TUSC3: variants seen among roughly 807,000 people sequenced by gnomAD.
The protein encoded by TUSC3 is tumor suppressor candidate 3.
TUSC3 carries 45 observed loss-of-function variants against 44.8 expected under a neutral mutation model. The ratio of observed to expected loss-of-function variants is 1.00; its 90% confidence interval spans 0.79 to 1.29. The LOEUF (loss-of-function observed/expected upper bound fraction) is 1.29. Among genes scored for constraint, TUSC3 ranks in the 50% most tolerant of loss-of-function variants. The pLI is 0.00. For synonymous variants in TUSC3, 212 were observed against 152.9 expected (o/e 1.39, Z -2.85); for missense variants, 519 against 437.9 (o/e 1.19, Z -1.65).
the TUSC3 span, among the ~76,000 whole-genome samples, chr8:15,814,160 G>A: frequency 2.2e-3 from 338 of 152,228 alleles, 1 homozygote; most frequent in African/African-American, 7.3e-3. Flanking sequence ...TCTCTTACCA[G>A]AATGAAGAGA....
chr8:15,669,124 A>G (rs1027961369), intron 5 of TUSC3, among the ~76,000 whole-genome samples: 1 of 151,808 alleles, frequency 6.6e-6, no homozygotes, highest in Admixed American at 6.6e-5. Flanking sequence ...TTCCCCAATT[A>G]GATTAGGGTG....
At chr8:15,425,829 A>G (rs896632977) in intron 1 of TUSC3, among the ~76,000 whole-genome samples, 13 of 152,178 alleles carry the variant, frequency 8.5e-5, no homozygotes, top group African/African-American at 2.4e-4. Flanking sequence ...AATATAATCA[A>G]TGTATCCTAT....
intron 2 of TUSC3, among the ~76,000 whole-genome samples, chr8:15,510,269 A>C (rs2129128109): frequency 6.6e-6 from 1 of 152,310 alleles, no homozygotes; most frequent in South Asian, 2.1e-4. Flanking sequence ...AAAACCTAAA[A>C]GAAAAAAGGG....
At chr8:15,619,685 T>C (rs1225884633) in intron 1 of TUSC3, among the ~76,000 whole-genome samples, 2 of 151,994 alleles carry the variant, frequency 1.3e-5, no homozygotes, top group Admixed American at 6.6e-5. Flanking sequence ...GTTTGTTTGT[T>C]TGTTTTAGTA....
the TUSC3 span, among the ~76,000 whole-genome samples, chr8:15,837,974 G>A: frequency 6.6e-6 from 1 of 152,292 alleles, no homozygotes; most frequent in East Asian, 1.9e-4. Flanking sequence ...ATTCCAGACT[G>A]GCAGGAACTG....
Position 15,652,925 on chromosome 8 carries a change from A to T in TUSC3, c.426+2111A>T, listed in dbSNP as rs192268623. Among the ~76,000 whole-genome samples the T allele has an allele frequency of 9.2e-5, 14 of 152,320 alleles. No individual in the cohort carries two copies. In the East Asian group the frequency reaches 2.7e-3, roughly 29 times the overall value. Reference sequence around the variant, plus strand: ...TTGTTATGCTGTTTTTGTTGATAATACATTATCTGTTTTGTTACGATACCT... The same window carrying T: ...TTGTTATGCTGTTTTTGTTGATAATTCATTATCTGTTTTGTTACGATACCT... On this transcript the variant is annotated intron_variant, in intron 3 of 10. Transcript: ENST00000503731.
At chr8:15,760,208 G>T (rs1178225317) in intron 10 of TUSC3, among the ~76,000 whole-genome samples, 2 of 152,080 alleles carry the variant, frequency 1.3e-5, no homozygotes, top group Non-Finnish European at 2.9e-5. Flanking sequence ...AGAAGATACA[G>T]GTAAGCAAAA....
At chr8:15,597,002 G>A (rs538643365) in intron 1 of TUSC3, among the ~76,000 whole-genome samples, 9 of 152,228 alleles carry the variant, frequency 5.9e-5, no homozygotes, top group African/African-American at 2.2e-4. Context: ...TTAATAATTA[G>A]TTGTGGAAGG....
the TUSC3 span, among the ~76,000 whole-genome samples, chr8:15,812,674 G>T: frequency 1.3e-5 from 2 of 152,096 alleles, no homozygotes; most frequent in African/African-American, 4.8e-5. Context: ...CCCTATAGTG[G>T]AAAATGAACA....
intron 1 of TUSC3, among the ~76,000 whole-genome samples, chr8:15,477,041 T>TA (rs534026042): frequency 0.012 from 1,760 of 152,268 alleles, 16 homozygotes; most frequent in Non-Finnish European, 0.017. Context: ...CAGAGGTACT[T>TA]ACGATTTTCC....
chr8:15,646,094 A>C (rs916848966), intron 2 of TUSC3, among the ~76,000 whole-genome samples: 9 of 152,180 alleles, frequency 5.9e-5, no homozygotes, highest in African/African-American at 2.2e-4. Context: ...GTAGTGCTAC[A>C]CAGTCGCTGA....
rs1241781852 is a variant in TUSC3, at chr8:15,559,082, T to C, written c.138+18514T>C. On this transcript the variant is annotated intron_variant, in intron 1 of 10. Transcript: ENST00000503731. ...TTTGCTCTTGCTTTTCTAGTTCTTT[T>C]AATTGTGATGTTAGGGTGTCAATTT... is the stretch of plus-strand genomic sequence containing the variant. 5.5e-5 allele frequency among the ~76,000 whole-genome samples: 8 copies of C among 145,782 alleles called. 1 individual carries two copies. The highest frequency in any genetic ancestry group is 1.2e-4 in the Non-Finnish European group (8 of 65,918).
intron 6 of TUSC3, among the ~76,000 whole-genome samples, chr8:15,676,224 A>G (rs950338684): frequency 2.6e-5 from 4 of 152,170 alleles, no homozygotes; most frequent in African/African-American, 9.6e-5. Context: ...AATTAAATGT[A>G]TGATGTGTGG....
In TUSC3 at chr8:15,588,195, T is replaced by C. The variant is rs879734796; in HGVS notation, c.139-34885T>C. ...CATTTCCACCAGCAGTGTATAAGAG[T>C]TCTGTTTTCTCCACATCCTCATCAG... On this transcript the variant is annotated intron_variant, in intron 1 of 10. Transcript: ENST00000503731. Among the ~76,000 whole-genome samples the C allele has an allele frequency of 9.9e-4, 150 of 152,208 alleles. 1 individual carries two copies. Among genetic ancestry groups the C allele is most frequent in the African/African-American group, 3.5e-3 (147 of 41,538 alleles).
the TUSC3 span, among the ~76,000 whole-genome samples, chr8:15,842,812 T>G: frequency 6.6e-6 from 1 of 152,210 alleles, no homozygotes; most frequent in African/African-American, 2.4e-5. Flanking sequence ...AGAGGAAACC[T>G]GTACATCTCC....
chr8:15,434,160 T>C (rs1330329665), intron 1 of TUSC3, among the ~76,000 whole-genome samples: 2 of 152,210 alleles, frequency 1.3e-5, no homozygotes, highest in East Asian at 1.9e-4. Flanking sequence ...TAGTGGTGTG[T>C]AATGGTACTT....
At chr8:15,837,218 C>CT in the TUSC3 span, among the ~76,000 whole-genome samples, 7 of 151,496 alleles carry the variant, frequency 4.6e-5, no homozygotes, top group East Asian at 1.9e-4. Flanking sequence ...GGGATTATGT[C>CT]TTTTTTTTTA....
At chr8:15,707,033 A>G (rs1248014884) in intron 6 of TUSC3, among the ~76,000 whole-genome samples, 2 of 151,962 alleles carry the variant, frequency 1.3e-5, no homozygotes, top group East Asian at 3.9e-4. Context: ...TTTGGACTCC[A>G]TGTTTTTACC....
the TUSC3 span, among the ~76,000 whole-genome samples, chr8:15,822,013 A>G: frequency 0.14 from 21,413 of 152,112 alleles, 1,669 homozygotes; most frequent in East Asian, 0.25. Context: ...TAGCACTGCG[A>G]GTAATAAGAT....
Sources: allele counts gnomAD v4.1 joint callset (sites outside exome capture counted in the v4.1 genomes callset), GRCh38; gene constraint gnomAD v4.1.1; transcripts MANE v1.5; gene names NCBI Gene and HGNC (gene_info 2026-07-23, HGNC 2026-07-21).